ATP2C1: variants seen among roughly 807,000 people sequenced by gnomAD.
ATP2C1 encodes calcium-transporting ATPase type 2C member 1.
A neutral mutation model predicts 120.5 loss-of-function variants in ATP2C1; 31 were observed. That is an observed-to-expected ratio of 0.26 (90% CI 0.19 to 0.35). The LOEUF (loss-of-function observed/expected upper bound fraction) is 0.35. Ranked by LOEUF, ATP2C1 falls within the 10% of genes least tolerant of loss-of-function variation. ATP2C1 has a pLI of 1.00. For synonymous variants in ATP2C1, 351 were observed against 358.7 expected, an observed-to-expected ratio of 0.98 and a Z score of 0.24; for missense variants, 731 against 1,107.5, an observed-to-expected ratio of 0.66 and a Z score of 4.83.
chr3:130,853,087 G>T (rs1885844), intron 1 of ATP2C1, among the ~76,000 whole-genome samples: 1 of 152,050 alleles, frequency 6.6e-6, no homozygotes, highest in African/African-American at 2.4e-5. Context: ...TTCTGTATTT[G>T]TACTTAAATC....
chr3:130,975,183 A>T (rs2061488234), intron 17 of ATP2C1, 149 bp from the exon 18 acceptor site: 3 of 732,226 alleles, frequency 4.1e-6, no homozygotes, highest in Non-Finnish European at 7.2e-6. Flanking sequence ...AGGAATATTT[A>T]ATCTTCAGAG....
intron 8 of ATP2C1, among the ~76,000 whole-genome samples, chr3:130,953,018 C>T (rs2060430269): frequency 6.6e-6 from 1 of 152,080 alleles, no homozygotes; most frequent in South Asian, 2.1e-4. Flanking sequence ...GTAGAGGAAG[C>T]TGTTTAACTC....
At chr3:130,956,389 A>G (rs1310040622) in intron 11 of ATP2C1, among the ~76,000 whole-genome samples, 1 of 152,112 alleles carries the variant, frequency 6.6e-6, no homozygotes, top group Non-Finnish European at 1.5e-5. Context: ...ATTTCTTGAA[A>G]CATTTTAGTA....
chr3:130,894,805 G>A lies in ATP2C1; in HGVS notation c.6+30G>A, dbSNP rs2069447686. The A allele has an allele frequency of 6.3e-7, 1 of 1,597,480 alleles. No individual in the cohort carries two copies. Among genetic ancestry groups the A allele is most frequent in the South Asian group, 1.1e-5 (1 of 90,762 alleles). Reference sequence around the variant, plus strand: ...AGGCCCCTGGCCGACCGGTTGCAACGCGGAGTTGAGGGTGTGGTGGTTTGC... The same window carrying A: ...AGGCCCCTGGCCGACCGGTTGCAACACGGAGTTGAGGGTGTGGTGGTTTGC... On this transcript the variant is annotated intron_variant, in intron 2 of 27. Transcript: ENST00000510168. This position sits in a 1 kb window ranked among gnomAD's most constrained non-coding sequence, Gnocchi z 4.5.
At chr3:130,897,620 T>TA (rs1187685503) in intron 2 of ATP2C1, among the ~76,000 whole-genome samples, 6 of 152,186 alleles carry the variant, frequency 3.9e-5, no homozygotes, top group Non-Finnish European at 8.8e-5. Flanking sequence ...TTAGGTAGCT[T>TA]ACAGTGGTGT....
intron 5 of ATP2C1, 88 bp from the exon 6 acceptor site, chr3:130,937,340 G>T: frequency 9.3e-7 from 1 of 1,075,364 alleles, no homozygotes; most frequent in Non-Finnish European, 1.4e-6. Context: ...TGTTATTGTG[G>T]GACTGCAGAT....
intron 8 of ATP2C1, among the ~76,000 whole-genome samples, chr3:130,953,435 G>A (rs1202423674): frequency 6.6e-6 from 1 of 150,848 alleles, no homozygotes; most frequent in Non-Finnish European, 1.5e-5. Flanking sequence ...CATCGTCGAT[G>A]GTTTTAATCT....
At chr3:130,947,599 TG>T (rs1006021777) in intron 8 of ATP2C1, among the ~76,000 whole-genome samples, 1 of 152,222 alleles carries the variant, frequency 6.6e-6, no homozygotes, top group Non-Finnish European at 1.5e-5. Context: ...TGTATGTCAT[TG>T]TTTTTTACTG....
chr3:130,937,839 A>G (rs1350514327), intron 6 of ATP2C1, among the ~76,000 whole-genome samples: 2 of 152,206 alleles, frequency 1.3e-5, no homozygotes, highest in Non-Finnish European at 2.9e-5. Context: ...TTTAATGCCT[A>G]CTAGAGCTAA....
In ATP2C1 at chr3:130,894,459, C is replaced by A; in HGVS notation, c.-181+122C>A. ...TAGGGCGCCGCCCCGCTGGCGTGAG[C>A]TGGGGACGTTGCGGGCACACGACGG... On this transcript the variant is annotated intron_variant, in intron 1 of 27. Coordinates refer to ENST00000510168, the MANE Select transcript of ATP2C1 (RefSeq NM_001378687.1). This position sits in a 1 kb window ranked among gnomAD's most constrained non-coding sequence, Gnocchi z 4.5. The A allele has an allele frequency of 7.5e-7, 1 of 1,339,466 alleles. No homozygotes were observed. The highest frequency in any genetic ancestry group is 9.6e-7 in the Non-Finnish European group (1 of 1,040,916). The allele number at this position is 1,339,466 out of a possible 1,614,324, so 83.0% of individuals were successfully genotyped here.
chr3:130,934,747 T>A, intron 5 of ATP2C1, 36 bp downstream of exon 5: 4 of 1,383,534 alleles, frequency 2.9e-6, no homozygotes, highest in Non-Finnish European at 4.1e-6. Flanking sequence ...ATCTGTTGAG[T>A]AAGTGTATAA....
chr3:130,973,773 T>C (rs529997640), intron 17 of ATP2C1, among the ~76,000 whole-genome samples: 1 of 152,288 alleles, frequency 6.6e-6, no homozygotes, highest in South Asian at 2.1e-4. Flanking sequence ...TACTTTTCAA[T>C]GAAAACATTG....
At chr3:131,014,301 T>C (rs1482323075) in intron 26 of ATP2C1, 4 of 1,613,974 alleles carry the variant, frequency 2.5e-6, no homozygotes, top group Non-Finnish European at 3.4e-6. Flanking sequence ...TTGCTTAGCC[T>C]CAGGACATAT....
intron 7 of ATP2C1, among the ~76,000 whole-genome samples, chr3:130,941,248 G>GTC (rs1559951570): frequency 4.7e-5 from 7 of 148,884 alleles, no homozygotes; most frequent in African/African-American, 1.3e-4. Flanking sequence ...GTGTGTGTGT[G>GTC]TGTGTGTGTG....
At chr3:130,938,743 G>A (rs916147366) in intron 6 of ATP2C1, among the ~76,000 whole-genome samples, 1 of 152,156 alleles carries the variant, frequency 6.6e-6, no homozygotes, top group African/African-American at 2.4e-5. Context: ...TGACCCACTG[G>A]ACCACTAACT....
rs142249490 is a variant in ATP2C1 at position 131,014,275 on chromosome 3, A to G, written c.2630-1877A>G. On this transcript the variant is annotated intron_variant, in intron 26 of 26. Transcript: ENST00000328560. ...GGGGCATATGACCTTGTGGCATTGA[A>G]TAGATATTCATAAAGTTGCTTAGCC... 6.2e-6 allele frequency: 10 copies of G among 1,613,944 alleles called. No individual in the cohort carries two copies. The African/African-American group carries it at 1.3e-4, about 22-fold the overall frequency.
intron 20 of ATP2C1, among the ~76,000 whole-genome samples, chr3:130,986,456 A>C (rs2108826333): frequency 1.3e-5 from 2 of 152,300 alleles, no homozygotes; most frequent in South Asian, 4.2e-4. Flanking sequence ...AAACCAACCA[A>C]AGATAGTTAG....
intron 1 of ATP2C1, among the ~76,000 whole-genome samples, chr3:130,888,898 A>G (rs1184263007): frequency 6.6e-6 from 1 of 152,234 alleles, no homozygotes; most frequent in Non-Finnish European, 1.5e-5. Flanking sequence ...GGGGGTTATC[A>G]ATGGTACAGG....
At chr3:130,865,885 GAT>G (rs777578166) in intron 1 of ATP2C1, among the ~76,000 whole-genome samples, 2 of 152,102 alleles carry the variant, frequency 1.3e-5, no homozygotes, top group Non-Finnish European at 2.9e-5. Context: ...TGATACTCTA[GAT>G]AAAGATCATC....
Sources: gnomAD v4.1 joint callset for allele counts (sites outside exome capture counted in the v4.1 genomes callset) on GRCh38, gnomAD v4.1.1 for gene constraint, Gnocchi (gnomAD v3.1) non-coding constraint, MANE v1.5 for transcripts, NCBI Gene and HGNC (gene_info 2026-07-23, HGNC 2026-07-21) for gene names.